The following ARHGAP35 variants were observed in gnomAD, a reference collection of about 807,000 sequenced individuals.
The protein encoded by ARHGAP35 is rho GTPase-activating protein 35.
In ARHGAP35, 15 loss-of-function variants were observed where a neutral mutation model predicts 111.1. That is an observed-to-expected ratio of 0.13 (90% confidence interval 0.09 to 0.21). ARHGAP35 has a LOEUF of 0.21. Among genes scored for constraint, ARHGAP35 ranks in the 10% least tolerant of loss-of-function variants. The pLI, the probability that ARHGAP35 is intolerant of heterozygous loss-of-function variation, is 1.00. For missense variants in ARHGAP35, 1,262 were observed against 1,873.0 expected, an observed-to-expected ratio of 0.67 and a Z score of 6.02; for synonymous variants, 643 against 710.3, an observed-to-expected ratio of 0.91 and a Z score of 1.51.
intron 1 of ARHGAP35, among the ~76,000 whole-genome samples, 72 bp downstream of exon 1, chr19:46,861,281 C>T (rs1399678438): frequency 2.0e-5 from 3 of 149,004 alleles, no homozygotes; most frequent in East Asian, 4.1e-4. Context: ...CAGGGGGAGG[C>T]GGGGACGGCG....
intron 3 of ARHGAP35, among the ~76,000 whole-genome samples, chr19:46,957,257 G>A (rs540676640): frequency 3.3e-5 from 5 of 151,428 alleles, no homozygotes; most frequent in South Asian, 2.1e-4. Context: ...CACTGCGCCC[G>A]GCCAAAGCAG....
intron 3 of ARHGAP35, among the ~76,000 whole-genome samples, chr19:46,981,202 GTT>G (rs1471953809): frequency 6.6e-6 from 1 of 152,216 alleles, no homozygotes; most frequent in Non-Finnish European, 1.5e-5. Context: ...CGGCCTTGCA[GTT>G]TAGCCTGCCT....
chr19:46,869,204 G>A (rs1349324570), intron 1 of ARHGAP35, among the ~76,000 whole-genome samples: 3 of 152,042 alleles, frequency 2.0e-5, no homozygotes, highest in South Asian at 2.1e-4. Context: ...TCCACATCTG[G>A]ACATGATACT....
At chr19:46,874,594 T>G (rs2055906278) in intron 1 of ARHGAP35, among the ~76,000 whole-genome samples, 1 of 135,482 alleles carries the variant, frequency 7.4e-6, no homozygotes, top group Non-Finnish European at 1.5e-5. Flanking sequence ...AACCTCCGCC[T>G]CCTGCGTTCA....
intron 1 of ARHGAP35, among the ~76,000 whole-genome samples, chr19:46,893,345 T>C (rs1159559927): frequency 1.3e-5 from 2 of 152,006 alleles, no homozygotes; most frequent in African/African-American, 2.4e-5. Context: ...GAACATATAA[T>C]AGAGGTGATG....
In ARHGAP35 at chr19:46,993,691, G is replaced by A. The variant is rs185729305; in HGVS notation, c.4036+4016G>A. On this transcript the variant is annotated intron_variant, in intron 5 of 6. Transcript: ENST00000672722. This position sits in a 1 kb window ranked among gnomAD's most constrained non-coding sequence, Gnocchi z 4.6. ...TGGCCCAAAAATGCCTCCCTTGGACGTTTCTTGTTGTCTCAGTCGATGGCC... is the reference window on the plus strand; with the variant it reads ...TGGCCCAAAAATGCCTCCCTTGGACATTTCTTGTTGTCTCAGTCGATGGCC... Among the ~76,000 whole-genome samples the A allele has an allele frequency of 2.0e-5, 3 of 152,154 alleles. No homozygotes were observed. The highest frequency in any genetic ancestry group is 7.2e-5 in the African/African-American group (3 of 41,424).
At chr19:46,911,812 G>A (rs2056138877) in intron 1 of ARHGAP35, among the ~76,000 whole-genome samples, 1 of 152,074 alleles carries the variant, frequency 6.6e-6, no homozygotes, top group African/African-American at 2.4e-5. Context: ...ACTAATTAAG[G>A]TTCTCTAAAT....
At chr19:46,937,510 T>A (rs1041799312) in intron 3 of ARHGAP35, 102 bp downstream of exon 3, 129 of 1,319,656 alleles carry the variant, frequency 9.8e-5, no homozygotes, top group Non-Finnish European at 1.0e-4. Flanking sequence ...TGTTGTTGAT[T>A]GTGAGATGCT....
chr19:46,894,999 G>A (rs189016516), intron 1 of ARHGAP35, among the ~76,000 whole-genome samples: 38 of 152,238 alleles, frequency 2.5e-4, no homozygotes, highest in African/African-American at 9.1e-4. Context: ...AATACTGCTA[G>A]TTGGTAGGAA....
At chr19:46,892,433 T>C (rs1024224552) in intron 1 of ARHGAP35, among the ~76,000 whole-genome samples, 2 of 145,246 alleles carry the variant, frequency 1.4e-5, no homozygotes, top group Admixed American at 7.0e-5. Context: ...ATCACGCCAC[T>C]GTACTCCAGC....
At chr19:46,874,460 CT>C (rs1308767214) in intron 1 of ARHGAP35, among the ~76,000 whole-genome samples, 1 of 147,842 alleles carries the variant, frequency 6.8e-6, no homozygotes, top group Non-Finnish European at 1.5e-5. Flanking sequence ...TGAGAAAGAA[CT>C]TTTAAAGAAA....
intron 1 of ARHGAP35, among the ~76,000 whole-genome samples, chr19:46,907,437 A>G (rs1441033160): frequency 2.0e-5 from 3 of 150,752 alleles, no homozygotes; most frequent in Non-Finnish European, 4.4e-5. Context: ...GGCGTGAGCC[A>G]CCGCACCCGG....
chr19:46,885,097 T>A (rs1394921353), intron 1 of ARHGAP35, among the ~76,000 whole-genome samples: 2 of 152,162 alleles, frequency 1.3e-5, no homozygotes, highest in Non-Finnish European at 2.9e-5. Context: ...TGAATAATAA[T>A]CCATAGGACA....
Position 46,919,059 on chromosome 19 carries a change from T to G in ARHGAP35, c.384T>G (p.Ala128=). Residue 128 remains alanine (A), a synonymous_variant, in exon 2 of 7, where the codon GCT becomes GCG. Transcript: ENST00000672722. This position sits in a 1 kb window ranked among gnomAD's most constrained non-coding sequence, Gnocchi z 6.2. The part of the protein sequence containing the change: ...KRAAATKLAS[A]EKLMYFCTDQ... ...CTGCTGCGACCAAGCTTGCATCAGC[T>G]GAAAAACTCATGTACTTTTGCACTG... 6.2e-7 allele frequency: 1 copy of G among 1,613,992 alleles called. No homozygotes were observed. The highest frequency in any genetic ancestry group is 8.5e-7 in the Non-Finnish European group (1 of 1,179,896).
At position 46,921,143 on chromosome 19, in the gene ARHGAP35, A is replaced by C; in HGVS notation, c.2468A>C (p.Glu823Ala). 6.2e-7 allele frequency: 1 copy of C among 1,614,018 alleles called. No individual in the cohort carries two copies. Among genetic ancestry groups the C allele is most frequent in the South Asian group, 1.1e-5 (1 of 91,084 alleles). Residue 823 changes from glutamate (E) to alanine (A), a missense_variant, in exon 2 of 7, where the codon GAA (glutamate) becomes GCA (alanine). Physicochemically the swap from Glu to Ala is moderately radical, Grantham distance 107. Transcript: ENST00000672722. The surrounding 1 kb of genome is among the most constrained non-coding windows in gnomAD (Gnocchi z 4.3). The part of the protein sequence containing the change: ...HCGSNNSVLL[E>A]LPIGLHKKRI... Reference sequence around the variant, plus strand: ...GGAAGCAACAACTCTGTTTTACTTGAACTACCAATCGGACTGCACAAGAAG... The same window carrying C: ...GGAAGCAACAACTCTGTTTTACTTGCACTACCAATCGGACTGCACAAGAAG...
intron 3 of ARHGAP35, among the ~76,000 whole-genome samples, chr19:46,959,410 T>G (rs2122265619): frequency 6.6e-6 from 1 of 151,708 alleles, no homozygotes; most frequent in East Asian, 1.9e-4. Context: ...TATTTTTATT[T>G]TTTTGAGACA....
At chr19:46,879,862 G>T (rs1321752973) in intron 1 of ARHGAP35, among the ~76,000 whole-genome samples, 1 of 151,238 alleles carries the variant, frequency 6.6e-6, no homozygotes, top group Non-Finnish European at 1.5e-5. Context: ...AAGGTGGACG[G>T]ATCACTTGAG....
chr19:46,910,455 C>A (rs542417455), intron 1 of ARHGAP35, among the ~76,000 whole-genome samples: 1 of 150,726 alleles, frequency 6.6e-6, no homozygotes, highest in South Asian at 2.1e-4. Flanking sequence ...CCTCACCCAG[C>A]GAATTTTTTT....
Position 47,003,192 on chromosome 19 carries a change from C to G in ARHGAP35, c.*2504C>G, listed in dbSNP as rs1314529432. On this transcript the variant is annotated 3_prime_UTR_variant, in exon 7 of 7. Transcript: ENST00000672722. ...GGCCTTCAGCGTCCGGTCAGGGAAG[C>G]GTGCAGCCCAAATGGGCACTTGCAT... is the stretch of plus-strand genomic sequence containing the variant. 1 of 152,326 alleles carries G rather than the reference C, an allele frequency of 6.6e-6. No individual in the cohort carries two copies. The highest frequency in any genetic ancestry group is 2.4e-5 in the African/African-American group (1 of 41,464). 9.4% of individuals were successfully genotyped at this position (152,326 alleles called of 1,614,324 possible). A position where few individuals can be genotyped will look rare whatever the true frequency, so the allele number is the denominator to read the frequency against.
Sources: allele counts gnomAD v4.1 joint callset (sites outside exome capture counted in the v4.1 genomes callset), GRCh38; gene constraint gnomAD v4.1.1; non-coding constraint Gnocchi (gnomAD v3.1); transcripts MANE v1.5; gene names NCBI Gene and HGNC (gene_info 2026-07-23, HGNC 2026-07-21).